CDH13: variants seen among roughly 807,000 people sequenced by gnomAD.
The protein encoded by CDH13 is cadherin 13, also known as cadherin-13.
CDH13 carries 24 observed loss-of-function variants against 63.8 expected under a neutral mutation model. That is an observed-to-expected ratio of 0.38 (90% CI 0.27 to 0.53). The LOEUF (loss-of-function observed/expected upper bound fraction) is 0.53. Ranked by LOEUF, CDH13 falls within the 20% of genes least tolerant of loss-of-function variation. CDH13 has a pLI of 0.85. For synonymous variants in CDH13, 503 were observed against 355.3 expected (o/e 1.42, Z -4.67); for missense variants, 1,049 against 903.1 (o/e 1.16, Z -2.07).
chr16:82,727,519 A>G (rs556443129), intron 1 of CDH13: 8 of 152,196 alleles, frequency 5.3e-5, no homozygotes, highest in African/African-American at 1.9e-4. Context: ...CATTAGCCGC[A>G]CTTAGAGTTA....
chr16:83,216,022 T>C (rs1016432767), intron 4 of CDH13, among the ~76,000 whole-genome samples: 9 of 149,064 alleles, frequency 6.0e-5, no homozygotes, highest in Non-Finnish European at 1.2e-4. Flanking sequence ...CTTCTCAGCC[T>C]AACCCTCTAC....
rs1215044464 is a variant in CDH13 at position 83,796,360 on chromosome 16, C to G, written c.*1330C>G. On this transcript the variant is annotated 3_prime_UTR_variant, in exon 14 of 14. Coordinates refer to ENST00000567109, the MANE Select transcript of CDH13 (RefSeq NM_001257.5). ...TAGCATATTTTAATGCAGTTGCTTA[C>G]TAAAGGTTTTAACCGCACATGCACA... 2 of 152,192 alleles carry G rather than the reference C, an allele frequency of 1.3e-5. No homozygotes were observed. The highest frequency in any genetic ancestry group is 2.4e-5 in the African/African-American group (1 of 41,450). 9.4% of individuals were successfully genotyped at this position (152,192 alleles called of 1,614,324 possible).
chr16:83,277,157 G>A (rs2151852369), intron 5 of CDH13, among the ~76,000 whole-genome samples: 1 of 152,198 alleles, frequency 6.6e-6, no homozygotes, highest in South Asian at 2.1e-4. Flanking sequence ...CTGGATAGGT[G>A]GATTCATTGG....
chr16:82,794,182 TC>T (rs2036464357), intron 1 of CDH13, among the ~76,000 whole-genome samples: 1 of 148,954 alleles, frequency 6.7e-6, no homozygotes, highest in Non-Finnish European at 1.5e-5. Flanking sequence ...TCTTTTCTTT[TC>T]TTTTTTTTTT....
At chr16:82,691,207 C>T (rs1219994936) in intron 1 of CDH13, among the ~76,000 whole-genome samples, 1 of 152,140 alleles carries the variant, frequency 6.6e-6, no homozygotes, top group Non-Finnish European at 1.5e-5. Context: ...AAAGGAAGAC[C>T]AAAGTGTTTG....
At chr16:83,760,390 G>A (rs7187281) in intron 11 of CDH13, among the ~76,000 whole-genome samples, 36,171 of 152,124 alleles carry the variant, frequency 0.24, 4,605 homozygotes, top group Non-Finnish European at 0.29. Flanking sequence ...CCCAAAACAC[G>A]AGTGCCAGAA....
At chr16:82,923,193 G>A (rs1041802428) in intron 2 of CDH13, among the ~76,000 whole-genome samples, 11 of 152,176 alleles carry the variant, frequency 7.2e-5, no homozygotes, top group Admixed American at 2.6e-4. Flanking sequence ...ATAAAGGGAA[G>A]CATAATAAAA....
intron 10 of CDH13, among the ~76,000 whole-genome samples, chr16:83,727,307 G>T (rs1007801730): frequency 4.6e-5 from 7 of 152,090 alleles, no homozygotes; most frequent in African/African-American, 9.7e-5. Context: ...GTAGCAGAAA[G>T]ACATCTACGT....
chr16:83,707,364 C>T (rs952132192), intron 10 of CDH13, among the ~76,000 whole-genome samples: 1 of 152,176 alleles, frequency 6.6e-6, no homozygotes, highest in Non-Finnish European at 1.5e-5. Context: ...CCTTCTTTGT[C>T]TTAGCCATTT....
chr16:83,476,965 G>A (rs1263624664), intron 6 of CDH13, among the ~76,000 whole-genome samples: 2 of 152,156 alleles, frequency 1.3e-5, no homozygotes, highest in Non-Finnish European at 2.9e-5. Context: ...TTTTTAAGGG[G>A]TGTAAGAAAA....
chr16:83,131,399 T>C (rs2036045929), intron 4 of CDH13, among the ~76,000 whole-genome samples: 1 of 152,194 alleles, frequency 6.6e-6, no homozygotes, highest in South Asian at 2.1e-4. Context: ...TTTTGAACTC[T>C]AGACAGCAGG....
intron 7 of CDH13, 46 bp from the exon 8 acceptor site, chr16:83,602,407 AC>A (rs1203642303): frequency 6.8e-6 from 11 of 1,609,854 alleles, no homozygotes; most frequent in Non-Finnish European, 6.0e-6. Flanking sequence ...CAAAGCAGTA[AC>A]CCAAATCTAA....
At chr16:83,035,673 T>G (rs931114683) in intron 3 of CDH13, among the ~76,000 whole-genome samples, 1 of 152,160 alleles carries the variant, frequency 6.6e-6, no homozygotes, top group African/African-American at 2.4e-5. Flanking sequence ...CGGGTCATTG[T>G]GCATAGTTGG....
Position 83,377,118 on chromosome 16 carries a change from G to C in CDH13, c.781+32112G>C, listed in dbSNP as rs188930821. On this transcript the variant is annotated intron_variant, in intron 6 of 13. Transcript: ENST00000567109. ...AGAATCTGAGATGTACCACCCAGCT[G>C]AGTCCTTCCTGAATCCCTAACCCAC... is the stretch of plus-strand genomic sequence containing the variant. Among the ~76,000 whole-genome samples, 303 of 152,242 alleles carry C rather than the reference G, an allele frequency of 2.0e-3. 4 individuals are homozygous for C. The highest frequency in any genetic ancestry group is 9.7e-4 in the East Asian group (5 of 5,176).
Position 82,993,670 on chromosome 16 carries a change from C to T in CDH13, c.158-38340C>T, listed in dbSNP as rs562607264. ...TGCTAGTTCAGAGGATGCTGCTTCT[C>T]GGATGGGACTTAGCTGAACACGTGT... On this transcript the variant is annotated intron_variant, in intron 2 of 13. Transcript: ENST00000567109. Among the ~76,000 whole-genome samples, 7 of 152,226 alleles carry T rather than the reference C, an allele frequency of 4.6e-5. No homozygotes were observed. In the South Asian group the frequency reaches 8.3e-4, roughly 18 times the overall value.
intron 5 of CDH13, among the ~76,000 whole-genome samples, chr16:83,236,847 T>C (rs993684010): frequency 8.5e-5 from 13 of 152,058 alleles, no homozygotes; most frequent in African/African-American, 3.1e-4. Context: ...TAGGTCTGGG[T>C]TTCCCTTTGA....
Position 83,489,077 on chromosome 16 carries a change from C to T in CDH13, c.960+2422C>T, listed in dbSNP as rs370391429. On this transcript the variant is annotated intron_variant, in intron 7 of 13. Transcript: ENST00000567109. ...TCCTTAATGCTCCCAAAGCTTCTCA[C>T]AAGATCCTTTCACAAGAAAAAGATG... Among the ~76,000 whole-genome samples, 8 of 152,328 alleles carry T rather than the reference C, an allele frequency of 5.3e-5. No individual in the cohort carries two copies. The East Asian group carries it at 1.4e-3, about 26-fold the overall frequency.
At chr16:83,727,351 A>G (rs943897876) in intron 10 of CDH13, among the ~76,000 whole-genome samples, 2 of 152,104 alleles carry the variant, frequency 1.3e-5, no homozygotes, top group African/African-American at 4.8e-5. Flanking sequence ...TAGAGAACAG[A>G]CACATTCATC....
chr16:83,621,475 CTTTTTTTT>C (rs72032168), intron 8 of CDH13, among the ~76,000 whole-genome samples: 2 of 28,530 alleles, frequency 7.0e-5, no homozygotes, highest in African/African-American at 1.6e-4. Context: ...CCTCACCTGC[CTTTTTTTT>C]TTTTTTTTTT....
Sources: gnomAD v4.1 joint callset for allele counts (sites outside exome capture counted in the v4.1 genomes callset) on GRCh38, gnomAD v4.1.1 for gene constraint, MANE v1.5 for transcripts, NCBI Gene and HGNC (gene_info 2026-07-23, HGNC 2026-07-21) for gene names.